NCAM2: variants seen among roughly 807,000 people sequenced by gnomAD.
NCAM2 encodes neural cell adhesion molecule 2, also known as N-CAM-2.
Under a neutral mutation model 98.1 loss-of-function variants are expected in NCAM2, and 30 were observed. The ratio of observed to expected loss-of-function variants is 0.31; its 90% CI spans 0.23 to 0.41. NCAM2 has a LOEUF of 0.41. Ranked by LOEUF, NCAM2 falls within the 10% of genes least tolerant of loss-of-function variation. The pLI, the probability that NCAM2 is intolerant of heterozygous loss-of-function variation, is 1.00. For missense variants in NCAM2, 867 were observed against 1,005.8 expected, an observed-to-expected ratio of 0.86 and a Z score of 1.87; for synonymous variants, 368 against 342.4, an observed-to-expected ratio of 1.07 and a Z score of -0.83.
chr21:21,337,857 A>C (rs920492546), intron 7 of NCAM2, among the ~76,000 whole-genome samples: 4 of 152,066 alleles, frequency 2.6e-5, no homozygotes, highest in Non-Finnish European at 5.9e-5. Context: ...TAAATGTTTC[A>C]AAATTTTATA....
chr21:21,502,528 T>C (rs1987705401), intron 15 of NCAM2, among the ~76,000 whole-genome samples: 1 of 151,972 alleles, frequency 6.6e-6, no homozygotes, highest in South Asian at 2.1e-4. Context: ...TAATCTTCTT[T>C]AGTTTTTCCT....
At chr21:21,050,772 C>A (rs572141621) in intron 1 of NCAM2, among the ~76,000 whole-genome samples, 1 of 152,096 alleles carries the variant, frequency 6.6e-6, no homozygotes, top group Non-Finnish European at 1.5e-5. Flanking sequence ...TATACGCCTG[C>A]GTGATTATAA....
intron 1 of NCAM2, among the ~76,000 whole-genome samples, chr21:21,017,159 C>G (rs1435976215): frequency 6.6e-6 from 1 of 151,904 alleles, no homozygotes; most frequent in African/African-American, 2.4e-5. Flanking sequence ...GGTGCCATGG[C>G]TCACGCCTAT....
At chr21:21,110,631 C>T (rs991941804) in intron 1 of NCAM2, among the ~76,000 whole-genome samples, 9 of 150,258 alleles carry the variant, frequency 6.0e-5, no homozygotes, top group African/African-American at 2.2e-4. Flanking sequence ...ATGAGACTAC[C>T]AGGGAATGCC....
intron 2 of NCAM2, among the ~76,000 whole-genome samples, chr21:21,283,140 G>T (rs180789450): frequency 1.9e-4 from 29 of 151,972 alleles, no homozygotes; most frequent in Admixed American, 1.6e-3. Flanking sequence ...TAATGTAACT[G>T]AGATCTTTTT....
chr21:21,235,311 G>A (rs1265570849), intron 1 of NCAM2, among the ~76,000 whole-genome samples: 3 of 151,968 alleles, frequency 2.0e-5, no homozygotes, highest in Admixed American at 2.0e-4. Flanking sequence ...AAGTACTTGA[G>A]ATTGAAATGT....
At chr21:21,373,752 T>C in intron 8 of NCAM2, 111 bp from the exon 9 acceptor site, 1 of 1,001,230 alleles carries the variant, frequency 1.0e-6, no homozygotes, top group South Asian at 2.3e-5. Flanking sequence ...GAACAGTTTC[T>C]TTTTTCTTTT....
At chr21:21,243,737 T>C (rs2071157929) in intron 1 of NCAM2, among the ~76,000 whole-genome samples, 1 of 152,112 alleles carries the variant, frequency 6.6e-6, no homozygotes, top group African/African-American at 2.4e-5. Flanking sequence ...CAAATCCATA[T>C]TGCATCCACT....
intron 11 of NCAM2, among the ~76,000 whole-genome samples, chr21:21,426,959 T>A (rs2077226715): frequency 6.6e-6 from 1 of 152,190 alleles, no homozygotes. Flanking sequence ...TAAAACACCA[T>A]TCTGAAATAA....
chr21:21,289,916 C>T (rs1041481685), intron 4 of NCAM2, among the ~76,000 whole-genome samples: 6 of 151,852 alleles, frequency 4.0e-5, no homozygotes, highest in African/African-American at 1.4e-4. Context: ...AGTTCAGGTC[C>T]TAATGAAATA....
At chr21:21,237,118 T>C (rs1263359232) in intron 1 of NCAM2, among the ~76,000 whole-genome samples, 1 of 152,162 alleles carries the variant, frequency 6.6e-6, no homozygotes, top group Non-Finnish European at 1.5e-5. Flanking sequence ...TGGAGGCACA[T>C]GGTTGGCATT....
At chr21:21,247,007 CAT>C (rs1295123681) in intron 1 of NCAM2, among the ~76,000 whole-genome samples, 3 of 119,214 alleles carry the variant, frequency 2.5e-5, no homozygotes, top group African/African-American at 9.4e-5. Context: ...TAGTCTGTCT[CAT>C]AGAGTTTAAT....
At chr21:21,277,940 TA>T (rs1166186074) in intron 1 of NCAM2, among the ~76,000 whole-genome samples, 2 of 152,128 alleles carry the variant, frequency 1.3e-5, no homozygotes, top group Admixed American at 6.6e-5. Flanking sequence ...TGATGGTGAC[TA>T]AAAATGGGAC....
At chr21:21,086,299 A>G (rs2065904787) in intron 1 of NCAM2, among the ~76,000 whole-genome samples, 1 of 152,236 alleles carries the variant, frequency 6.6e-6, no homozygotes, top group Non-Finnish European at 1.5e-5. Context: ...CTTTGGTGAC[A>G]CAGAGGAAAA....
intron 12 of NCAM2, among the ~76,000 whole-genome samples, chr21:21,451,809 C>G (rs775188708): frequency 9.2e-5 from 14 of 152,056 alleles, no homozygotes; most frequent in Non-Finnish European, 2.1e-4. Flanking sequence ...GGAAACCTCA[C>G]CAGACATCTT....
intron 14 of NCAM2, among the ~76,000 whole-genome samples, chr21:21,474,678 C>T (rs1268010991): frequency 1.3e-5 from 2 of 152,086 alleles, no homozygotes; most frequent in Non-Finnish European, 2.9e-5. Context: ...TGAGGTAATG[C>T]CAGGGCCACA....
At chr21:21,402,001 G>A (rs1164801899) in intron 9 of NCAM2, among the ~76,000 whole-genome samples, 1 of 152,120 alleles carries the variant, frequency 6.6e-6, no homozygotes, top group Admixed American at 6.5e-5. Context: ...ATCTTCGTAA[G>A]CTGAGGATGT....
intron 8 of NCAM2, among the ~76,000 whole-genome samples, chr21:21,367,026 T>C (rs576258319): frequency 6.6e-6 from 1 of 152,014 alleles, no homozygotes; most frequent in Non-Finnish European, 1.5e-5. Context: ...GTATCGCTGT[T>C]CACAGGGTGA....
At chr21:21,536,255 C>T (rs550248342) in intron 17 of NCAM2, among the ~76,000 whole-genome samples, 17 of 152,064 alleles carry the variant, frequency 1.1e-4, no homozygotes, top group African/African-American at 3.6e-4. Flanking sequence ...CTTTGATCTG[C>T]AGAATGTTTT....
Sources: allele counts gnomAD v4.1 joint callset (sites outside exome capture counted in the v4.1 genomes callset), GRCh38; gene constraint gnomAD v4.1.1; transcripts MANE v1.5; gene names NCBI Gene and HGNC (gene_info 2026-07-23, HGNC 2026-07-21).